Variants in ALOX12B observed in about 807,000 individuals in gnomAD.
ALOX12B encodes the protein arachidonate 12-lipoxygenase, 12R-type.
ALOX12B carries 47 observed loss-of-function variants against 78.9 expected under a neutral mutation model. That is an observed-to-expected ratio of 0.60 (90% CI 0.47 to 0.76). ALOX12B has a LOEUF of 0.76. Among genes scored for constraint, ALOX12B ranks in the 30% least tolerant of loss-of-function variants. The pLI is 0.00. For synonymous variants in ALOX12B, 370 were observed against 374.5 expected, an observed-to-expected ratio of 0.99 and a Z score of 0.14; for missense variants, 805 against 922.6, an observed-to-expected ratio of 0.87 and a Z score of 1.65.
At chr17:8,076,841 G>A (rs915083779) in intron 9 of ALOX12B, 98 bp from the exon 10 acceptor site, 8 of 1,459,738 alleles carry the variant, frequency 5.5e-6, no homozygotes, top group African/African-American at 2.8e-5. Flanking sequence ...CTCACTCTGG[G>A]AAGTCCCTAT....
In ALOX12B at chr17:8,079,852, G is replaced by C. The variant is rs764486354; in HGVS notation, c.844C>G (p.Arg282Gly). The C allele has an allele frequency of 7.4e-6, 12 of 1,613,464 alleles. No homozygotes were observed. Among genetic ancestry groups the C allele is most frequent in the Middle Eastern group, 1.6e-4 (1 of 6,078 alleles). ...GTGACGGGGAACTTGTCTGGGATCC[G>C]CGTGCAGCGGCGGATCAGGCCGGGG... ...VNPGLIRRCT[R>G]IPDKFPVTDD... Residue 282 changes from arginine to glycine, a missense_variant, in exon 7 of 15, where the codon CGG becomes GGG. Physicochemically the swap from Arg to Gly is moderately radical, Grantham distance 125. Coordinates refer to ENST00000647874, the MANE Select transcript of ALOX12B (RefSeq NM_001139.3). The surrounding 1 kb of genome is among the most constrained non-coding windows in gnomAD (Gnocchi z 6.4).
At position 8,079,878 on chromosome 17, in the gene ALOX12B, T is replaced by C. The variant is rs780974660; in HGVS notation, c.818A>G (p.Asn273Ser). Residue 273 changes from asparagine (N) to serine (S), a missense_variant, in exon 7 of 15, where the codon AAC (asparagine) becomes AGC (serine). Coordinates refer to ENST00000647874, the MANE Select transcript of ALOX12B (RefSeq NM_001139.3). The surrounding 1 kb of genome is among the most constrained non-coding windows in gnomAD (Gnocchi z 6.4). ...FFGYQYLNGV[N>S]PGLIRRCTRI... ...CGTGCAGCGGCGGATCAGGCCGGGGTTGACGCCGTTGAGGTACTGGTACCC... is the reference window on the plus strand; with the variant it reads ...CGTGCAGCGGCGGATCAGGCCGGGGCTGACGCCGTTGAGGTACTGGTACCC... 5 of 1,612,722 alleles carry C rather than the reference T, an allele frequency of 3.1e-6. No individual in the cohort carries two copies. In the South Asian group the frequency reaches 4.4e-5, roughly 14 times the overall value.
intron 12 of ALOX12B, among the ~76,000 whole-genome samples, chr17:8,074,904 C>T (rs1343211326): frequency 6.6e-6 from 1 of 152,222 alleles, no homozygotes; most frequent in East Asian, 1.9e-4. Context: ...TCGAGGCTAA[C>T]CTCTCCATCC....
chr17:8,076,291 C>T lies in ALOX12B; in HGVS notation c.1416G>A (p.Ser472=), dbSNP rs758255943. ...GGTAGAGGCTGTCATAGGTGAGCTC[C>T]GACAGAGCCCGTACCATCACCCCAG... The part of the protein sequence containing the change: ...GFAGVMVRAL[S]ELTYDSLYLP... Residue 472 remains serine (S), a synonymous_variant, in exon 11 of 15, where the codon TCG becomes TCA. Transcript: ENST00000647874. The T allele has an allele frequency of 3.8e-5, 61 of 1,613,208 alleles. No individual in the cohort carries two copies. The highest frequency in any genetic ancestry group is 2.3e-4 in the Admixed American group (14 of 59,848).
chr17:8,075,010 A>G (rs889853166), intron 12 of ALOX12B, among the ~76,000 whole-genome samples: 3 of 152,010 alleles, frequency 2.0e-5, no homozygotes, highest in African/African-American at 7.2e-5. Flanking sequence ...CCCCTTCCCA[A>G]AGTGGGTTAG....
At chr17:8,078,187 C>T (rs141308327) in intron 8 of ALOX12B, among the ~76,000 whole-genome samples, 3,607 of 150,886 alleles carry the variant, frequency 0.024, 72 homozygotes, top group Non-Finnish European at 0.037. Flanking sequence ...TGCTCTGTCA[C>T]CAGGCTGGAG....
At chr17:8,086,626 C>T (rs575591978) in intron 1 of ALOX12B, among the ~76,000 whole-genome samples, 17 of 152,302 alleles carry the variant, frequency 1.1e-4, no homozygotes, top group African/African-American at 3.4e-4. Flanking sequence ...TTCAGAATGG[C>T]CACATAGATA....
chr17:8,078,051 A>G (rs1977123830), intron 8 of ALOX12B, among the ~76,000 whole-genome samples: 1 of 152,166 alleles, frequency 6.6e-6, no homozygotes, highest in African/African-American at 2.4e-5. Flanking sequence ...AACTATCTAC[A>G]TAGCATTTAC....
chr17:8,080,404 C>T lies in ALOX12B; in HGVS notation c.651-66G>A, dbSNP rs1319832182. The stretch of plus-strand genomic sequence containing the variant: ...GCCAAGCGCCGGCTGGGGCAGGTGG[C>T]GGGGCCGCCCCATCCACTTAGGTCT... On this transcript the variant is annotated intron_variant, in intron 5 of 14. Coordinates refer to ENST00000647874, the MANE Select transcript of ALOX12B (RefSeq NM_001139.3). This position sits in a 1 kb window ranked among gnomAD's most constrained non-coding sequence, Gnocchi z 4.8. The T allele has an allele frequency of 3.2e-6, 5 of 1,558,834 alleles. No individual in the cohort carries two copies. Among genetic ancestry groups the T allele is most frequent in the Non-Finnish European group, 3.5e-6 (4 of 1,130,244 alleles).
At chr17:8,085,937 C>G in intron 2 of ALOX12B, 79 bp downstream of exon 2, 1 of 1,548,142 alleles carries the variant, frequency 6.5e-7, no homozygotes, top group Non-Finnish European at 8.9e-7. Flanking sequence ...TTGATGGGAG[C>G]CTGGGTGCCA....
intron 1 of ALOX12B, among the ~76,000 whole-genome samples, chr17:8,086,675 G>A (rs1297038431): frequency 6.6e-6 from 1 of 152,200 alleles, no homozygotes; most frequent in Non-Finnish European, 1.5e-5. Context: ...AGGTGGCTGG[G>A]TCTGACTGAA....
At chr17:8,082,796 T>TCA (rs1978288829) in intron 2 of ALOX12B, among the ~76,000 whole-genome samples, 1 of 152,160 alleles carries the variant, frequency 6.6e-6, no homozygotes, top group African/African-American at 2.4e-5. Flanking sequence ...CATTCCTTCG[T>TCA]CACCACCGGA....
At chr17:8,083,862 A>G (rs1391703423) in intron 2 of ALOX12B, among the ~76,000 whole-genome samples, 6 of 151,394 alleles carry the variant, frequency 4.0e-5, no homozygotes, top group Non-Finnish European at 8.8e-5. Context: ...AAGGCTTAGA[A>G]GAATTTGGAA....
At position 8,075,619 on chromosome 17, in the gene ALOX12B, A is replaced by C. The variant is rs1364754878; in HGVS notation, c.1630T>G (p.Cys544Gly). ...CCTGAGCTCTCCCGCCCCAGGAGGC[A>C]CTCTTTAAATATTTCCTGCACCCAA... is the stretch of plus-strand genomic sequence containing the variant. ...QSWVQEIFKE[C>G]LLGRESSGFP... Residue 544 changes from cysteine (C) to glycine (G), a missense_variant, in exon 12 of 15, where the codon TGC becomes GGC. Physicochemically the swap from Cys to Gly is radical, Grantham distance 159. Coordinates refer to ENST00000647874, the MANE Select transcript of ALOX12B (RefSeq NM_001139.3). The C allele has an allele frequency of 6.2e-7, 1 of 1,613,906 alleles. No homozygotes were observed. The highest frequency in any genetic ancestry group is 2.2e-5 in the East Asian group (1 of 44,854).
Position 8,077,011 on chromosome 17 carries a change from G to T in ALOX12B, c.1254C>A (p.Pro418=). ...AFCLALLRNL[P]MCHPLYKLLI... ...ATACCTTGTAGAGGGGGTGGCACAT[G>T]GGCAGGTTCCTCAGCAAGGCCAGGC... is the stretch of plus-strand genomic sequence containing the variant. Residue 418 remains proline, a synonymous_variant, in exon 9 of 15, where the codon CCC becomes CCA. Transcript: ENST00000647874. The T allele has an allele frequency of 6.2e-7, 1 of 1,613,794 alleles. No individual in the cohort carries two copies. The highest frequency in any genetic ancestry group is 8.5e-7 in the Non-Finnish European group (1 of 1,179,966).
chr17:8,073,566 A>G (rs1977025360), intron 13 of ALOX12B, 91 bp downstream of exon 13: 1 of 1,249,600 alleles, frequency 8.0e-7, no homozygotes. Context: ...ACCAGGGATT[A>G]TGGCTGAGGC....
At chr17:8,083,916 T>C (rs1338524465) in intron 2 of ALOX12B, among the ~76,000 whole-genome samples, 1 of 152,082 alleles carries the variant, frequency 6.6e-6, no homozygotes, top group African/African-American at 2.4e-5. Flanking sequence ...CCCAGCACTT[T>C]GGGAGGCCAA....
At chr17:8,073,870 C>T (rs1977032470) in intron 12 of ALOX12B, 113 bp from the exon 13 acceptor site, 1 of 830,458 alleles carries the variant, frequency 1.2e-6, no homozygotes, top group Non-Finnish European at 2.0e-6. Context: ...TTCAAGCTGC[C>T]GCATCCGTAC....
chr17:8,078,233 C>T (rs914772568), intron 8 of ALOX12B, among the ~76,000 whole-genome samples: 9 of 151,432 alleles, frequency 5.9e-5, no homozygotes, highest in Non-Finnish European at 1.3e-4. Context: ...GCAACCTCTG[C>T]CTCCTGGGTT....
Sources: allele counts gnomAD v4.1 joint callset (sites outside exome capture counted in the v4.1 genomes callset), GRCh38; gene constraint gnomAD v4.1.1; non-coding constraint Gnocchi (gnomAD v3.1); transcripts MANE v1.5; gene names NCBI Gene and HGNC (gene_info 2026-07-23, HGNC 2026-07-21).